LMBRD1: variants seen among roughly 807,000 people sequenced by gnomAD.
LMBRD1 encodes LMBR1 domain containing 1.
A neutral mutation model predicts 74.8 loss-of-function variants in LMBRD1; 64 were observed. The observed-to-expected ratio is 0.86, with a 90% confidence interval of 0.70 to 1.05. The LOEUF is 1.05. Among genes scored for constraint, LMBRD1 ranks in the 50% least tolerant of loss-of-function variants. The pLI is 0.00. For synonymous variants in LMBRD1, 204 were observed against 216.3 expected (o/e 0.94, Z 0.50); for missense variants, 652 against 645.9 (o/e 1.01, Z -0.10).
At chr6:69,795,379 G>T (rs1766196390) in intron 1 of LMBRD1, among the ~76,000 whole-genome samples, 1 of 151,938 alleles carries the variant, frequency 6.6e-6, no homozygotes, top group Non-Finnish European at 1.5e-5. Flanking sequence ...TCACACTTTG[G>T]CTTTCGGTCC....
intron 5 of LMBRD1, chr6:69,746,016 G>A (rs995664359): frequency 3.2e-5 from 7 of 215,564 alleles, no homozygotes; most frequent in Admixed American, 8.6e-5. Flanking sequence ...GTTCCAGCAC[G>A]ATTCCACCCA....
intron 14 of LMBRD1, among the ~76,000 whole-genome samples, chr6:69,688,220 G>A (rs1403426078): frequency 2.6e-5 from 4 of 151,936 alleles, no homozygotes; most frequent in Non-Finnish European, 5.9e-5. Flanking sequence ...TGTTAAAATT[G>A]GCTGTTCTTA....
chr6:69,786,800 T>G (rs576296760), intron 2 of LMBRD1, among the ~76,000 whole-genome samples: 1 of 152,188 alleles, frequency 6.6e-6, no homozygotes, highest in Non-Finnish European at 1.5e-5. Context: ...AATGACTGCC[T>G]GCTCACAGAA....
chr6:69,788,345 T>C (rs1300340420), intron 2 of LMBRD1, among the ~76,000 whole-genome samples: 3 of 152,110 alleles, frequency 2.0e-5, no homozygotes, highest in Non-Finnish European at 4.4e-5. Flanking sequence ...TCATTATCTA[T>C]TTAAACTTAA....
intron 5 of LMBRD1, among the ~76,000 whole-genome samples, chr6:69,743,716 A>C (rs1010825316): frequency 6.6e-5 from 10 of 152,372 alleles, no homozygotes; most frequent in African/African-American, 2.2e-4. Context: ...ATATTTTCAC[A>C]TAAACTAAGA....
intron 8 of LMBRD1, among the ~76,000 whole-genome samples, chr6:69,715,917 A>G (rs1176506439): frequency 1.3e-5 from 2 of 152,124 alleles, no homozygotes. Context: ...AATGGCCTCC[A>G]GCTCCCTCCA....
chr6:69,721,159 G>C (rs1190166628), intron 7 of LMBRD1, among the ~76,000 whole-genome samples: 3 of 152,138 alleles, frequency 2.0e-5, no homozygotes, highest in Non-Finnish European at 4.4e-5. Context: ...AAACTCAAAA[G>C]GCAGTCTAGG....
intron 7 of LMBRD1, among the ~76,000 whole-genome samples, chr6:69,727,930 C>A (rs1766771016): frequency 6.6e-6 from 1 of 152,060 alleles, no homozygotes. Context: ...ATTTAAGACT[C>A]TGATTAATAT....
At chr6:69,789,343 C>G (rs1345046829) in intron 2 of LMBRD1, among the ~76,000 whole-genome samples, 1 of 151,964 alleles carries the variant, frequency 6.6e-6, no homozygotes, top group African/African-American at 2.4e-5. Context: ...GCCAACATGG[C>G]AAAACCCCAT....
intron 14 of LMBRD1, among the ~76,000 whole-genome samples, chr6:69,678,006 C>A (rs1765581862): frequency 6.6e-6 from 1 of 152,122 alleles, no homozygotes; most frequent in African/African-American, 2.4e-5. Context: ...AGTTGACCCT[C>A]AAGCAAAACA....
intron 3 of LMBRD1, among the ~76,000 whole-genome samples, chr6:69,770,476 G>A (rs1401698481): frequency 6.6e-6 from 1 of 152,140 alleles, no homozygotes; most frequent in East Asian, 1.9e-4. Context: ...CTTCATATTT[G>A]TTTTCTGGTG....
intron 9 of LMBRD1, chr6:69,705,825 AC>A: frequency 1.6e-6 from 2 of 1,257,840 alleles, no homozygotes; most frequent in Non-Finnish European, 2.3e-6. Flanking sequence ...AATGTTGTTC[AC>A]TAATATGCAC....
intron 5 of LMBRD1, among the ~76,000 whole-genome samples, chr6:69,748,804 TAAG>T (rs1765052364): frequency 1.3e-5 from 2 of 151,946 alleles, no homozygotes; most frequent in African/African-American, 4.8e-5. Flanking sequence ...CAAGAAGAAT[TAAG>T]AAAGGGAATT....
In LMBRD1 at chr6:69,723,234, A is replaced by G. The variant is rs372919733; in HGVS notation, c.637-4153T>C. Among the ~76,000 whole-genome samples, 100 of 152,090 alleles carry G rather than the reference A, an allele frequency of 6.6e-4. 1 individual carries two copies. The highest frequency in any genetic ancestry group is 3.9e-4 in the African/African-American group (16 of 41,418). ...ATACATTAACAATGGAGACTTCAACACCCCAATTTCAGTACTGGACAGATC... is the reference window on the plus strand; with the variant it reads ...ATACATTAACAATGGAGACTTCAACGCCCCAATTTCAGTACTGGACAGATC... On this transcript the variant is annotated intron_variant, in intron 7 of 15. Transcript: ENST00000649934.
chr6:69,782,771 C>T (rs970307883), intron 2 of LMBRD1, among the ~76,000 whole-genome samples: 1 of 152,070 alleles, frequency 6.6e-6, no homozygotes, highest in Non-Finnish European at 1.5e-5. Context: ...GAGTTTCTCT[C>T]TTTGCCTAAT....
At chr6:69,684,701 T>C (rs1211431452) in intron 14 of LMBRD1, among the ~76,000 whole-genome samples, 1 of 152,074 alleles carries the variant, frequency 6.6e-6, no homozygotes, top group Non-Finnish European at 1.5e-5. Context: ...GGAAGTCTAA[T>C]GGACAGAAAT....
At chr6:69,794,637 T>C (rs1023432299) in intron 1 of LMBRD1, among the ~76,000 whole-genome samples, 2 of 152,220 alleles carry the variant, frequency 1.3e-5, no homozygotes, top group Non-Finnish European at 2.9e-5. Flanking sequence ...TGAGTCAAAC[T>C]TTCAAATGAA....
chr6:69,786,395 T>C (rs1765946220), intron 2 of LMBRD1, among the ~76,000 whole-genome samples: 1 of 152,110 alleles, frequency 6.6e-6, no homozygotes, highest in Non-Finnish European at 1.5e-5. Flanking sequence ...AAACATTAAA[T>C]GTTTTCATGA....
At chr6:69,745,985 C>T (rs1767219308) in intron 5 of LMBRD1, 1 of 232,450 alleles carries the variant, frequency 4.3e-6, no homozygotes, top group South Asian at 6.9e-5. Context: ...CCTTCAGTGA[C>T]CTTCACTACA....
Sources: gnomAD v4.1 joint callset for allele counts (sites outside exome capture counted in the v4.1 genomes callset) on GRCh38, gnomAD v4.1.1 for gene constraint, MANE v1.5 for transcripts, NCBI Gene and HGNC (gene_info 2026-07-23, HGNC 2026-07-21) for gene names.